The following ADAMTSL1 variants were observed in gnomAD, a reference collection of about 807,000 sequenced individuals.
ADAMTSL1 encodes ADAMTS-like protein 1.
A neutral mutation model predicts 201.8 loss-of-function variants in ADAMTSL1; 126 were observed. The ratio of observed to expected loss-of-function variants is 0.62; its 90% CI spans 0.54 to 0.72. ADAMTSL1 has a LOEUF of 0.72. Ranked by LOEUF, ADAMTSL1 falls within the 30% of genes least tolerant of loss-of-function variation. The pLI is 0.00. For missense variants in ADAMTSL1, 2,679 were observed against 2,277.8 expected, an observed-to-expected ratio of 1.18 and a Z score of -3.59; for synonymous variants, 1,121 against 903.4, an observed-to-expected ratio of 1.24 and a Z score of -4.32.
chr9:18,267,762 TAAAA>T (rs72030473), intron 2 of ADAMTSL1, among the ~76,000 whole-genome samples: 1 of 125,288 alleles, frequency 8.0e-6, no homozygotes, highest in African/African-American at 3.4e-5. Context: ...CAAAGGCTAT[TAAAA>T]AAAAAAAACA....
chr9:18,621,168 C>G (rs1564094869), intron 4 of ADAMTSL1, among the ~76,000 whole-genome samples: 1 of 152,136 alleles, frequency 6.6e-6, no homozygotes, highest in Non-Finnish European at 1.5e-5. Flanking sequence ...TAGAATAAAT[C>G]TTTCCATATT....
intron 1 of ADAMTSL1, among the ~76,000 whole-genome samples, chr9:18,127,662 C>A (rs1176442145): frequency 6.6e-6 from 1 of 152,104 alleles, no homozygotes; most frequent in Non-Finnish European, 1.5e-5. Flanking sequence ...ATCTTGTCAA[C>A]CTTGTTTTAA....
At chr9:18,505,345 G>C (rs1401803883) in intron 2 of ADAMTSL1, among the ~76,000 whole-genome samples, 2 of 152,198 alleles carry the variant, frequency 1.3e-5, no homozygotes, top group African/African-American at 4.8e-5. Flanking sequence ...TGGATTTTTA[G>C]TGTTACCAAG....
At chr9:18,242,540 G>A (rs954823124) in intron 2 of ADAMTSL1, among the ~76,000 whole-genome samples, 6 of 151,942 alleles carry the variant, frequency 3.9e-5, no homozygotes, top group African/African-American at 1.2e-4. Flanking sequence ...GAAATAAAAG[G>A]CATTCAAGTA....
chr9:18,907,866 T>C (rs866756463), intron 28 of ADAMTSL1: 20 of 166,362 alleles, frequency 1.2e-4, no homozygotes, highest in Middle Eastern at 3.1e-3. Context: ...TAGAACGTCC[T>C]GGTGCTGTGT....
chr9:18,596,336 G>A (rs1824260248), intron 4 of ADAMTSL1, among the ~76,000 whole-genome samples: 1 of 152,170 alleles, frequency 6.6e-6, no homozygotes, highest in Non-Finnish European at 1.5e-5. Flanking sequence ...TATCCAATCA[G>A]ATACAAATTT....
chr9:18,509,046 C>T lies in ADAMTSL1; in HGVS notation c.191+4090C>T, dbSNP rs900033983. Among the ~76,000 whole-genome samples the T allele has an allele frequency of 6.9e-5, 9 of 130,190 alleles. 1 individual carries two copies. The highest frequency in any genetic ancestry group is 4.4e-4 in the Admixed American group (6 of 13,590). The allele number at this position is 130,190 out of a possible 152,430, so 85.4% of individuals were successfully genotyped here. A position where few individuals can be genotyped will look rare whatever the true frequency, so the allele number is the denominator to read the frequency against. ...AAAAATACAAAAAATTAGCCGGGCGCGGTGGCGGGCGCCTGTAGTCCCAGC... is the reference window on the plus strand; with the variant it reads ...AAAAATACAAAAAATTAGCCGGGCGTGGTGGCGGGCGCCTGTAGTCCCAGC... On this transcript the variant is annotated intron_variant, in intron 2 of 28. Transcript: ENST00000380548.
At chr9:18,661,049 T>G (rs1829057558) in intron 8 of ADAMTSL1, among the ~76,000 whole-genome samples, 1 of 152,176 alleles carries the variant, frequency 6.6e-6, no homozygotes, top group African/African-American at 2.4e-5. Flanking sequence ...AAGGCCTAAT[T>G]TTTTAAAATT....
intron 1 of ADAMTSL1, among the ~76,000 whole-genome samples, chr9:18,086,020 A>C (rs1823756123): frequency 6.6e-6 from 1 of 152,144 alleles, no homozygotes. Context: ...GAGGTGTAAG[A>C]GTCGAGGAAG....
chr9:18,241,124 G>A (rs1831045411), intron 2 of ADAMTSL1, among the ~76,000 whole-genome samples: 1 of 151,946 alleles, frequency 6.6e-6, no homozygotes, highest in South Asian at 2.1e-4. Context: ...CTTTTCCTTT[G>A]CATTTGACTA....
intron 2 of ADAMTSL1, among the ~76,000 whole-genome samples, chr9:18,370,565 T>C (rs1837000179): frequency 6.6e-6 from 1 of 152,224 alleles, no homozygotes; most frequent in African/African-American, 2.4e-5. Flanking sequence ...TTTGTATTGA[T>C]AGCGTTGGTA....
chr9:18,882,637 A>G (rs1828603931), intron 23 of ADAMTSL1, among the ~76,000 whole-genome samples: 1 of 152,084 alleles, frequency 6.6e-6, no homozygotes, highest in Non-Finnish European at 1.5e-5. Flanking sequence ...ACCTCGTGGC[A>G]TGTAGATGCC....
intron 20 of ADAMTSL1, among the ~76,000 whole-genome samples, chr9:18,813,246 G>A (rs1248745535): frequency 2.6e-5 from 4 of 152,204 alleles, no homozygotes; most frequent in Non-Finnish European, 4.4e-5. Flanking sequence ...TTACAGGCAT[G>A]AGCCACCACA....
chr9:18,436,410 C>T (rs529873075), intron 2 of ADAMTSL1, among the ~76,000 whole-genome samples: 1 of 152,188 alleles, frequency 6.6e-6, no homozygotes, highest in Non-Finnish European at 1.5e-5. Context: ...TCAGCATCCT[C>T]TTTCTTGCTC....
chr9:18,491,331 A>G (rs1822262251), intron 1 of ADAMTSL1, among the ~76,000 whole-genome samples: 1 of 152,206 alleles, frequency 6.6e-6, no homozygotes, highest in Non-Finnish European at 1.5e-5. Flanking sequence ...ACATTAATCT[A>G]TTAACTTTTC....
At chr9:17,995,486 A>AT (rs201480053) in intron 1 of ADAMTSL1, among the ~76,000 whole-genome samples, 2,240 of 152,226 alleles carry the variant, frequency 0.015, 24 homozygotes, top group Non-Finnish European at 0.021. Flanking sequence ...AGGAAATTGC[A>AT]TTTTTTGGCA....
chr9:18,785,543 A>C (rs964519789), intron 19 of ADAMTSL1, among the ~76,000 whole-genome samples: 9 of 152,242 alleles, frequency 5.9e-5, no homozygotes, highest in African/African-American at 2.2e-4. Context: ...GCTCAGGCAC[A>C]TGTGTGGTTA....
At position 18,246,690 on chromosome 9, in the gene ADAMTSL1, A is replaced by C. The variant is rs188220924; in HGVS notation, c.207+82709A>C. Among the ~76,000 whole-genome samples the C allele has an allele frequency of 3.9e-5, 6 of 152,348 alleles. No individual in the cohort carries two copies. In the East Asian group the frequency reaches 1.2e-3, roughly 29 times the overall value. On this transcript the variant is annotated intron_variant, in intron 2 of 29. Coordinates refer to the ADAMTSL1 transcript ENST00000680146. ...CCAGAAATTTCATAGTTGCAAAGTG[A>C]CATATCTGAGATAATACTCTTCCAT...
In ADAMTSL1 at chr9:18,103,527, A is replaced by G. The variant is rs16936319; in HGVS notation, c.88-60335A>G. On this transcript the variant is annotated intron_variant, in intron 1 of 29. Transcript: ENST00000680146. ...CACTATGAATTTCTGAAAAATAGAT[A>G]CAAAACCATCCCAGTTTCTTATAGC... Among the ~76,000 whole-genome samples the G allele has an allele frequency of 7.3e-3, 1,112 of 152,304 alleles. 20 individuals carry two copies. Among genetic ancestry groups the G allele is most frequent in the African/African-American group, 0.024 (997 of 41,558 alleles).
Sources: gnomAD v4.1 joint callset for allele counts (sites outside exome capture counted in the v4.1 genomes callset) on GRCh38, gnomAD v4.1.1 for gene constraint, MANE v1.5 for transcripts, NCBI Gene and HGNC (gene_info 2026-07-23, HGNC 2026-07-21) for gene names.